Variants in GNA14 observed in about 807,000 individuals in gnomAD.
GNA14 encodes G protein subunit alpha 14.
In GNA14, 50 loss-of-function variants were observed where a neutral mutation model predicts 42.0. The observed-to-expected ratio is 1.19, with a 90% confidence interval of 0.95 to 1.51. The LOEUF is 1.51. Among genes scored for constraint, GNA14 ranks in the 40% most tolerant of loss-of-function variants. GNA14 has a pLI of 0.00. For synonymous variants in GNA14, 173 were observed against 163.1 expected, an observed-to-expected ratio of 1.06 and a Z score of -0.46; for missense variants, 473 against 446.2, an observed-to-expected ratio of 1.06 and a Z score of -0.54.
At chr9:77,472,528 A>G (rs1453686340) in intron 2 of GNA14, among the ~76,000 whole-genome samples, 1 of 152,176 alleles carries the variant, frequency 6.6e-6, no homozygotes, top group South Asian at 2.1e-4. Flanking sequence ...AGAAAATCCT[A>G]AGAAATACAT....
chr9:77,621,780 C>A (rs951651100), intron 1 of GNA14, among the ~76,000 whole-genome samples: 4 of 152,130 alleles, frequency 2.6e-5, no homozygotes, highest in African/African-American at 9.7e-5. Flanking sequence ...ATGATTTCGT[C>A]GACTTTTAGG....
At chr9:77,579,218 G>A (rs1014596277) in intron 1 of GNA14, among the ~76,000 whole-genome samples, 2 of 152,202 alleles carry the variant, frequency 1.3e-5, no homozygotes, top group Admixed American at 6.5e-5. Flanking sequence ...CTCTAAGGCT[G>A]GGCACAACTG....
intron 1 of GNA14, among the ~76,000 whole-genome samples, chr9:77,559,037 CTCTTCCTTTTGAGCA>C (rs1051275589): frequency 3.9e-5 from 6 of 151,910 alleles, no homozygotes; most frequent in Non-Finnish European, 8.8e-5. Flanking sequence ...TTTGTTTTTC[CTCTTCCTTTTGAGCA>C]TCTTCCTTTT....
chr9:77,454,142 C>T (rs1002055191), intron 2 of GNA14, among the ~76,000 whole-genome samples: 8 of 152,208 alleles, frequency 5.3e-5, no homozygotes, highest in Non-Finnish European at 1.0e-4. Context: ...CTGCGTAGTT[C>T]CACCCCACAC....
At chr9:77,619,033 A>G (rs1021496890) in intron 1 of GNA14, among the ~76,000 whole-genome samples, 1 of 152,204 alleles carries the variant, frequency 6.6e-6, no homozygotes, top group Non-Finnish European at 1.5e-5. Flanking sequence ...GTTTAAAATT[A>G]CATGTGTGGC....
chr9:77,608,732 G>GTT (rs111701182), intron 1 of GNA14, among the ~76,000 whole-genome samples: 1,471 of 121,138 alleles, frequency 0.012, 52 homozygotes, highest in East Asian at 0.12. Flanking sequence ...CCAATATCCT[G>GTT]TTTTTTTTTT....
chr9:77,486,429 TAA>T (rs1280176595), intron 2 of GNA14, among the ~76,000 whole-genome samples: 6 of 152,376 alleles, frequency 3.9e-5, no homozygotes, highest in South Asian at 4.1e-4. Flanking sequence ...ATATCAGCAA[TAA>T]GTCTATTTCA....
intron 3 of GNA14, among the ~76,000 whole-genome samples, chr9:77,431,956 C>T (rs1835562813): frequency 6.6e-6 from 1 of 152,122 alleles, no homozygotes; most frequent in South Asian, 2.1e-4. Context: ...TTCAAAACAA[C>T]AGCAACAAGA....
chr9:77,629,792 T>C (rs1339585086), intron 1 of GNA14, among the ~76,000 whole-genome samples: 1 of 152,122 alleles, frequency 6.6e-6, no homozygotes, highest in Non-Finnish European at 1.5e-5. Flanking sequence ...GACGGGTTGA[T>C]GGGTGCAGCA....
At chr9:77,547,022 G>T (rs1837727745) in intron 1 of GNA14, among the ~76,000 whole-genome samples, 1 of 152,172 alleles carries the variant, frequency 6.6e-6, no homozygotes, top group South Asian at 2.1e-4. Context: ...TATTGGGTGT[G>T]GGGGAGGCTT....
Position 77,531,197 on chromosome 9 carries a change from A to C in GNA14, c.125-1944T>G, listed in dbSNP as rs542869421. 3.3e-5 allele frequency among the ~76,000 whole-genome samples: 5 copies of C among 152,348 alleles called. No individual in the cohort carries two copies. In the East Asian group the frequency reaches 9.6e-4, roughly 29 times the overall value. The stretch of plus-strand genomic sequence containing the variant: ...GCACCACGAACAATGTGCCTGCTTT[A>C]TAGAAAGCACCCAAAGAAATGGTCA... On this transcript the variant is annotated intron_variant, in intron 1 of 6. Coordinates refer to ENST00000341700, the MANE Select transcript of GNA14 (RefSeq NM_004297.4).
chr9:77,520,503 A>T (rs1460362614), intron 2 of GNA14, among the ~76,000 whole-genome samples: 1 of 152,206 alleles, frequency 6.6e-6, no homozygotes, highest in Non-Finnish European at 1.5e-5. Context: ...GACGTGAATT[A>T]TGAGAGTGTT....
chr9:77,598,614 C>T (rs946912943), intron 1 of GNA14, among the ~76,000 whole-genome samples: 17 of 152,186 alleles, frequency 1.1e-4, no homozygotes, highest in African/African-American at 3.9e-4. Flanking sequence ...AGAGGATTTA[C>T]TGGCATATAT....
intron 1 of GNA14, among the ~76,000 whole-genome samples, chr9:77,536,231 A>G (rs908102684): frequency 6.6e-6 from 1 of 152,234 alleles, no homozygotes; most frequent in African/African-American, 2.4e-5. Flanking sequence ...TTTCAAAATA[A>G]AAAAGGAGAG....
At chr9:77,500,987 G>A (rs542547497) in intron 2 of GNA14, among the ~76,000 whole-genome samples, 5 of 151,440 alleles carry the variant, frequency 3.3e-5, no homozygotes, top group East Asian at 1.9e-4. Context: ...ACAGAATCTC[G>A]CTCTGTCACC....
At chr9:77,440,954 G>A (rs1018851772) in intron 2 of GNA14, among the ~76,000 whole-genome samples, 1 of 152,120 alleles carries the variant, frequency 6.6e-6, no homozygotes, top group Non-Finnish European at 1.5e-5. Flanking sequence ...GACCTCAAGT[G>A]ATCCGCCCAC....
intron 2 of GNA14, among the ~76,000 whole-genome samples, chr9:77,506,295 A>G (rs1837067609): frequency 6.6e-6 from 1 of 151,724 alleles, no homozygotes; most frequent in Non-Finnish European, 1.5e-5. Flanking sequence ...AAAAAAAAAA[A>G]AAAAAGAAAT....
intron 2 of GNA14, among the ~76,000 whole-genome samples, chr9:77,490,139 T>A (rs569163046): frequency 6.6e-6 from 1 of 152,282 alleles, no homozygotes; most frequent in African/African-American, 2.4e-5. Flanking sequence ...GTATTTACAA[T>A]CCCTGAGCTA....
At chr9:77,605,237 T>C (rs1241579027) in intron 1 of GNA14, among the ~76,000 whole-genome samples, 1 of 152,250 alleles carries the variant, frequency 6.6e-6, no homozygotes, top group Non-Finnish European at 1.5e-5. Flanking sequence ...GAGCTCATCC[T>C]GGACCTCAGG....
Sources: gnomAD v4.1 joint callset for allele counts (sites outside exome capture counted in the v4.1 genomes callset) on GRCh38, gnomAD v4.1.1 for gene constraint, MANE v1.5 for transcripts, NCBI Gene and HGNC (gene_info 2026-07-23, HGNC 2026-07-21) for gene names.